The following CATSPER1 variants were observed in gnomAD, a reference collection of about 807,000 sequenced individuals.
The protein encoded by CATSPER1 is cation channel sperm associated 1, also known as cation channel sperm-associated protein 1.
CATSPER1 carries 57 observed loss-of-function variants against 72.7 expected under a neutral mutation model. The observed-to-expected ratio is 0.78, with a 90% CI of 0.63 to 0.98. The LOEUF is 0.98. Among genes scored for constraint, CATSPER1 ranks in the 50% least tolerant of loss-of-function variants. The pLI, the probability that CATSPER1 is intolerant of heterozygous loss-of-function variation, is 0.00. For missense variants in CATSPER1, 910 were observed against 1,033.9 expected (o/e 0.88, Z 1.64); for synonymous variants, 363 against 403.0 (o/e 0.90, Z 1.19).
At chr11:66,017,352 G>C (rs1039812641) in intron 10 of CATSPER1, among the ~76,000 whole-genome samples, 178 bp from the exon 11 acceptor site, 1 of 152,150 alleles carries the variant, frequency 6.6e-6, no homozygotes, top group African/African-American at 2.4e-5. Flanking sequence ...AAGAGCCCAA[G>C]TCTGCCTGTA....
intron 10 of CATSPER1, among the ~76,000 whole-genome samples, chr11:66,017,513 C>A (rs1856262653): frequency 6.6e-6 from 1 of 151,774 alleles, no homozygotes; most frequent in South Asian, 2.1e-4. Flanking sequence ...TCTGGCCCTC[C>A]AGCCACTCAC....
intron 10 of CATSPER1, 27 bp from the exon 11 acceptor site, chr11:66,017,201 G>A: frequency 6.7e-7 from 1 of 1,490,300 alleles, no homozygotes. Context: ...GGGTCGCAGA[G>A]ACAGGGGCTG....
rs746065311 is a variant in CATSPER1, at chr11:66,021,868, T to C, written c.1441A>G (p.Met481Val). ...EVEIRGEWYF[M>V]ALDSIFFCIY... ...CAGAAGAATATGGAGTCCAAGGCCA[T>C]GAAGTACCACTCTGCAGGAACACAG... is the stretch of plus-strand genomic sequence containing the variant. Residue 481 changes from methionine to valine, a missense_variant, in exon 3 of 12, where the codon ATG (methionine) becomes GTG (valine). Physicochemically the swap from Met to Val is conservative, Grantham distance 21 (BLOSUM62 1). Transcript: ENST00000312106. 6.2e-7 allele frequency: 1 copy of C among 1,613,690 alleles called. No homozygotes were observed. Among genetic ancestry groups the C allele is most frequent in the South Asian group, 1.1e-5 (1 of 91,074 alleles).
Position 66,025,856 on chromosome 11 carries a change from T to C in CATSPER1, c.524A>G (p.His175Arg). Reference sequence around the variant, plus strand: ...TCCATGGGGGAGGTAGGACCCACCATGGTGGGAAGCCTCACCGTGGTGGGG... The same window carrying C: ...TCCATGGGGGAGGTAGGACCCACCACGGTGGGAAGCCTCACCGTGGTGGGG... The part of the protein sequence containing the change: ...GVPHHGEASH[H>R]GGSYLPHGPN... Residue 175 changes from histidine (H) to arginine (R), a missense_variant, in exon 1 of 12, where the codon CAT (histidine) becomes CGT (arginine). Coordinates refer to ENST00000312106, the MANE Select transcript of CATSPER1 (RefSeq NM_053054.4). The C allele has an allele frequency of 6.2e-7, 1 of 1,612,704 alleles. No homozygotes were observed. The highest frequency in any genetic ancestry group is 8.5e-7 in the Non-Finnish European group (1 of 1,179,602).
Position 66,020,931 on chromosome 11 carries a change from C to A in CATSPER1, c.1807G>T (p.Ala603Ser). ...TTGGGGTCAGATTTGCGGAACAGTG[C>A]CCGGAGGACCGCGGAGAAGAGGACT... ...CLFLFSAVLR[A>S]LFRKSDPKRF... The change falls in exon 6 of 12, where the codon GCA (alanine) becomes TCA (serine). Residue 603 changes from alanine (A) to serine (S), a missense_variant. By Grantham distance (99) the Ala-to-Ser change is moderately conservative. Coordinates refer to ENST00000312106, the MANE Select transcript of CATSPER1 (RefSeq NM_053054.4). The surrounding 1 kb of genome is among the most constrained non-coding windows in gnomAD (Gnocchi z 4.5). The A allele has an allele frequency of 6.2e-7, 1 of 1,614,002 alleles. No homozygotes were observed. Among genetic ancestry groups the A allele is most frequent in the Non-Finnish European group, 8.5e-7 (1 of 1,180,022 alleles).
At position 66,026,264 on chromosome 11, in the gene CATSPER1, G is replaced by A. The variant is rs1856508592; in HGVS notation, c.116C>T (p.Ala39Val). The change falls in exon 1 of 12, where the codon GCT becomes GTT. Residue 39 changes from alanine to valine, a missense_variant. Ala to Val is a moderately conservative substitution (Grantham distance 64). Coordinates refer to ENST00000312106, the MANE Select transcript of CATSPER1 (RefSeq NM_053054.4). ...ATGGTGCAACTCGTAATGGTGGAGA[G>A]CTCTGCTGTGGCCTGGCCTGTGGTG... ...PPHHRPGHSR[A>V]LHHYELHHHG... 1 of 1,614,090 alleles carries A rather than the reference G, an allele frequency of 6.2e-7. No homozygotes were observed. Among genetic ancestry groups the A allele is most frequent in the Admixed American group, 1.7e-5 (1 of 60,004 alleles).
In CATSPER1 at chr11:66,021,490, A is replaced by C; in HGVS notation, c.1691+6T>G. The C allele has an allele frequency of 6.2e-7, 1 of 1,612,660 alleles. No individual in the cohort carries two copies. Among genetic ancestry groups the C allele is most frequent in the East Asian group, 2.2e-5 (1 of 44,870 alleles). On this transcript the variant is annotated splice_donor_region_variant and intron_variant, in intron 4 of 11. Coordinates refer to ENST00000312106, the MANE Select transcript of CATSPER1 (RefSeq NM_053054.4). ...CCCACCCCAGGTGGGAGCCGTGGCC[A>C]CTGACCTGAGCCTCCGCAGGACCCG...
At chr11:66,018,178 A>G (rs926295582) in intron 10 of CATSPER1, among the ~76,000 whole-genome samples, 3 of 151,300 alleles carry the variant, frequency 2.0e-5, no homozygotes, top group Admixed American at 2.0e-4. Context: ...ACTGCACTCC[A>G]GCCTGGGTGA....
intron 2 of CATSPER1, 80 bp from the exon 3 acceptor site, chr11:66,021,959 G>A: frequency 9.2e-7 from 1 of 1,092,634 alleles, no homozygotes; most frequent in East Asian, 2.4e-5. Context: ...CCTCACACAA[G>A]CCCAGATTCC....
chr11:66,022,722 C>T, intron 2 of CATSPER1, 127 bp downstream of exon 2: 2 of 881,552 alleles, frequency 2.3e-6, no homozygotes, highest in Non-Finnish European at 3.7e-6. Flanking sequence ...GTAAGGCCAT[C>T]TACTTCCCAG....
Position 66,020,096 on chromosome 11 carries a change from C to G in CATSPER1, c.2125+44G>C, listed in dbSNP as rs1045650656. On this transcript the variant is annotated intron_variant, in intron 9 of 11. Transcript: ENST00000312106. The surrounding 1 kb of genome is among the most constrained non-coding windows in gnomAD (Gnocchi z 4.5). ...TTAGGGGGATGGAGAGACTGGCCCC[C>G]ACTGCGGACGGGCAGGTGGGGCCAG... 2.5e-6 allele frequency: 4 copies of G among 1,586,930 alleles called. No individual in the cohort carries two copies. Among genetic ancestry groups the G allele is most frequent in the Non-Finnish European group, 3.5e-6 (4 of 1,156,672 alleles).
intron 10 of CATSPER1, 45 bp downstream of exon 10, chr11:66,018,782 C>A (rs1214040903): frequency 4.4e-6 from 7 of 1,602,994 alleles, no homozygotes; most frequent in Non-Finnish European, 6.0e-6. Flanking sequence ...GGCCCCCAGG[C>A]CTCACCCTCA....
In CATSPER1 at chr11:66,025,703, T is replaced by C. The variant is rs1565074355; in HGVS notation, c.677A>G (p.His226Arg). Residue 226 changes from histidine (H) to arginine (R), a missense_variant, in exon 1 of 12, where the codon CAT becomes CGT. By Grantham distance (29) the His-to-Arg change is conservative. Coordinates refer to ENST00000312106, the MANE Select transcript of CATSPER1 (RefSeq NM_053054.4). ...GWPHHHQVHH[H>R]GRSRHHEAHQ... ...GGCTTCATGATGACGGGACCTGCCA[T>C]GGTGGTGGACTTGGTGATGGTGGGG... The C allele has an allele frequency of 6.2e-7, 1 of 1,613,822 alleles. No individual in the cohort carries two copies. The highest frequency in any genetic ancestry group is 8.5e-7 in the Non-Finnish European group (1 of 1,179,914).
At chr11:66,018,966 A>G in intron 9 of CATSPER1, 64 bp from the exon 10 acceptor site, 2 of 1,368,968 alleles carry the variant, frequency 1.5e-6, no homozygotes, top group Admixed American at 1.7e-5. Context: ...GAGGAACCCC[A>G]TGTGTCAGGA....
At position 66,022,982 on chromosome 11, in the gene CATSPER1, G is replaced by C. The variant is rs773982866; in HGVS notation, c.1296C>G (p.Leu432=). Residue 432 remains leucine, a synonymous_variant, in exon 2 of 12, where the codon CTC becomes CTG. Coordinates refer to ENST00000312106, the MANE Select transcript of CATSPER1 (RefSeq NM_053054.4). The stretch of plus-strand genomic sequence containing the variant: ...GGATCATTTCCCGGAAGCCCTGAAT[G>C]AGGAAGGTTAGCTTTTCCCACAGCC... ...FQWLWEKLTF[L]IQGFREMIRN... is the part of the protein sequence containing the mutation. 8.7e-6 allele frequency: 14 copies of C among 1,614,130 alleles called. No individual in the cohort carries two copies. In the South Asian group the frequency reaches 1.5e-4, roughly 18 times the overall value.
chr11:66,020,998 C>G lies in CATSPER1; in HGVS notation c.1784-44G>C, dbSNP rs962175260. ...ACTCAGCTCTCCAGTGCTATCCCCA[C>G]CCCAGCGCCCCTCGTCCTGCCCCAT... On this transcript the variant is annotated intron_variant, in intron 5 of 11. Coordinates refer to ENST00000312106, the MANE Select transcript of CATSPER1 (RefSeq NM_053054.4). This position sits in a 1 kb window ranked among gnomAD's most constrained non-coding sequence, Gnocchi z 4.5. 1.9e-6 allele frequency: 3 copies of G among 1,612,832 alleles called. No homozygotes were observed. In the East Asian group the frequency reaches 6.7e-5, roughly 36 times the overall value.
intron 1 of CATSPER1, 86 bp downstream of exon 1, chr11:66,025,078 G>T: frequency 6.4e-7 from 1 of 1,553,874 alleles, no homozygotes; most frequent in Non-Finnish European, 8.9e-7. Flanking sequence ...CTTACGATCT[G>T]CGGAAGGACA....
rs368688295 is a variant in CATSPER1, at chr11:66,025,582, C to G, written c.798G>C (p.Glu266Asp). The change falls in exon 1 of 12, where the codon GAG becomes GAC. Residue 266 changes from glutamate to aspartate, a missense_variant. Transcript: ENST00000312106. ...TGGGGTGGTGATCACCTTGGTGGTA[C>G]TCGCTGTGATAGTCAGATATCCCAC... is the stretch of plus-strand genomic sequence containing the variant. The part of the protein sequence containing the change: ...YQRGISDYHS[E>D]YHQGDHHPSE... 1.2e-6 allele frequency: 2 copies of G among 1,606,478 alleles called. No individual in the cohort carries two copies. Among genetic ancestry groups the G allele is most frequent in the African/African-American group, 2.7e-5 (2 of 74,578 alleles).
In CATSPER1 at chr11:66,021,824, G is replaced by A. The variant is rs371777676; in HGVS notation, c.1485C>T (p.Ala495=). 4 of 1,614,044 alleles carry A rather than the reference G, an allele frequency of 2.5e-6. No homozygotes were observed. Among genetic ancestry groups the A allele is most frequent in the African/African-American group, 1.3e-5 (1 of 74,920 alleles). ...SIFFCIYVVE[A]LLKIIALGLS... ...GGCCCAGGGCGATGATCTTGAGCAG[G>A]GCTTCCACCACGTAGATGCAGAAGA... The change falls in exon 3 of 12, where the codon GCC becomes GCT. Residue 495 remains alanine (A), a synonymous_variant. Coordinates refer to ENST00000312106, the MANE Select transcript of CATSPER1 (RefSeq NM_053054.4).
Sources: gnomAD v4.1 joint callset for allele counts (sites outside exome capture counted in the v4.1 genomes callset) on GRCh38, gnomAD v4.1.1 for gene constraint, Gnocchi (gnomAD v3.1) non-coding constraint, MANE v1.5 for transcripts, NCBI Gene and HGNC (gene_info 2026-07-23, HGNC 2026-07-21) for gene names.